ATOSA: variants seen among roughly 807,000 people sequenced by gnomAD.
The protein encoded by ATOSA is atos homolog A.
chr15:52,684,127 A>C, the ATOSA span, among the ~76,000 whole-genome samples: 11 of 152,368 alleles, frequency 7.2e-5, no homozygotes, highest in African/African-American at 1.9e-4. Context: ...GGCTGTCACT[A>C]TTCTCTAGAA....
the ATOSA span, chr15:52,649,687 C>T: frequency 6.6e-6 from 1 of 152,014 alleles, no homozygotes; most frequent in Non-Finnish European, 1.5e-5. Context: ...TAGACAAAGA[C>T]AATAAAAATT....
chr15:52,596,381 C>A, the ATOSA span, among the ~76,000 whole-genome samples: 1 of 152,080 alleles, frequency 6.6e-6, no homozygotes, highest in African/African-American at 2.4e-5. Flanking sequence ...TGAGAAAGAA[C>A]AATAAAGTTA....
At chr15:52,636,396 C>T in the ATOSA span, among the ~76,000 whole-genome samples, 1 of 152,038 alleles carries the variant, frequency 6.6e-6, no homozygotes, top group Non-Finnish European at 1.5e-5. Context: ...GAAGTCCTAA[C>T]CCTCAAAGGG....
chr15:52,594,436 TATATAA>T, the ATOSA span, among the ~76,000 whole-genome samples: 2 of 152,348 alleles, frequency 1.3e-5, no homozygotes, highest in African/African-American at 4.8e-5. Context: ...AGCTTTATTT[TATATAA>T]ATATATCAAC....
chr15:52,700,472 G>A, the ATOSA span, among the ~76,000 whole-genome samples: 1 of 151,868 alleles, frequency 6.6e-6, no homozygotes, highest in African/African-American at 2.4e-5. Flanking sequence ...TAGCTTTCAG[G>A]TTCTCAACAG....
At chr15:52,609,631 G>C in the ATOSA span, 1 of 1,613,006 alleles carries the variant, frequency 6.2e-7, no homozygotes, top group Non-Finnish European at 8.5e-7. Context: ...ACTACCAAAA[G>C]TCATGGAGAA....
the ATOSA span, among the ~76,000 whole-genome samples, chr15:52,669,626 A>G: frequency 2.6e-5 from 4 of 152,362 alleles, no homozygotes; most frequent in South Asian, 8.3e-4. Flanking sequence ...ACATTTGGTT[A>G]AGTGGGAAAC....
chr15:52,670,753 A>G, the ATOSA span, among the ~76,000 whole-genome samples: 1 of 151,552 alleles, frequency 6.6e-6, no homozygotes, highest in East Asian at 2.0e-4. Context: ...TTGCACATCT[A>G]TACAAATAAT....
At chr15:52,596,997 A>G in the ATOSA span, among the ~76,000 whole-genome samples, 1 of 152,220 alleles carries the variant, frequency 6.6e-6, no homozygotes, top group Non-Finnish European at 1.5e-5. Context: ...AATTAAAACC[A>G]CAATAATTAA....
At chr15:52,623,004 AATAAAT>A in the ATOSA span, among the ~76,000 whole-genome samples, 1 of 135,912 alleles carries the variant, frequency 7.4e-6, no homozygotes, top group South Asian at 2.4e-4. Context: ...TAAATAAATA[AATAAAT>A]AAAGCCAGGT....
chr15:52,646,952 G>C, the ATOSA span, among the ~76,000 whole-genome samples: 1 of 152,134 alleles, frequency 6.6e-6, no homozygotes, highest in African/African-American at 2.4e-5. Context: ...ATTTTTGAGA[G>C]AAGCGATTTA....
chr15:52,647,220 G>A, the ATOSA span, among the ~76,000 whole-genome samples: 2 of 136,244 alleles, frequency 1.5e-5, no homozygotes, highest in Non-Finnish European at 3.1e-5. Context: ...CCAGCAAATT[G>A]GAGGGCTAAA....
the ATOSA span, among the ~76,000 whole-genome samples, chr15:52,691,090 A>T: frequency 2.0e-5 from 3 of 152,284 alleles, no homozygotes; most frequent in Non-Finnish European, 4.4e-5. Flanking sequence ...AACCCTGTTA[A>T]GTGCTTTAGA....
the ATOSA span, among the ~76,000 whole-genome samples, chr15:52,708,209 G>A: frequency 1.3e-5 from 2 of 152,180 alleles, no homozygotes; most frequent in African/African-American, 2.4e-5. Flanking sequence ...TCCACAACCA[G>A]ACAGCTTACT....
chr15:52,685,109 T>C, the ATOSA span, among the ~76,000 whole-genome samples: 1 of 152,252 alleles, frequency 6.6e-6, no homozygotes, highest in African/African-American at 2.4e-5. Flanking sequence ...ACATAATATT[T>C]CTATTTGCTG....
At chr15:52,683,434 C>T in the ATOSA span, among the ~76,000 whole-genome samples, 1 of 152,246 alleles carries the variant, frequency 6.6e-6, no homozygotes, top group African/African-American at 2.4e-5. Context: ...AGTGGTTCTG[C>T]ATTTAGAATT....
At chr15:52,694,905 T>C in the ATOSA span, among the ~76,000 whole-genome samples, 33 of 138,886 alleles carry the variant, frequency 2.4e-4, no homozygotes, top group Admixed American at 2.1e-3. Context: ...CCCATTATTC[T>C]TTTTTTTTTT....
At chr15:52,601,129 G>A in the ATOSA span, 1 of 1,543,264 alleles carries the variant, frequency 6.5e-7, no homozygotes, top group South Asian at 1.2e-5. Flanking sequence ...GAAGAATCCA[G>A]ATCAAAGCAA....
chr15:52,703,154 AG>A, the ATOSA span, among the ~76,000 whole-genome samples: 1 of 152,224 alleles, frequency 6.6e-6, no homozygotes, highest in African/African-American at 2.4e-5. Flanking sequence ...CAGATAAAAG[AG>A]TACACATGGT....
Sources: allele counts gnomAD v4.1 joint callset (sites outside exome capture counted in the v4.1 genomes callset), GRCh38; gene constraint gnomAD v4.1.1; transcripts MANE v1.5; gene names NCBI Gene and HGNC (gene_info 2026-07-23, HGNC 2026-07-21).